LINGO2: variants seen among roughly 807,000 people sequenced by gnomAD.
The protein encoded by LINGO2 is leucine rich repeat and Ig domain containing 2.
A neutral mutation model predicts 30.6 loss-of-function variants in LINGO2; 14 were observed. That is an observed-to-expected ratio of 0.46 (90% CI 0.30 to 0.72). The LOEUF (loss-of-function observed/expected upper bound fraction) is 0.72, where lower values mean the gene tolerates loss of function less well. Ranked by LOEUF, LINGO2 falls within the 30% of genes least tolerant of loss-of-function variation. The pLI is 0.07. For synonymous variants in LINGO2, 317 were observed against 288.5 expected (o/e 1.10, Z -1.00); for missense variants, 729 against 751.7 (o/e 0.97, Z 0.35).
In LINGO2 at chr9:28,051,911, A is replaced by G. The variant is rs566092072; in HGVS notation, c.-86-39506T>C. Among the ~76,000 whole-genome samples, 22 of 152,198 alleles carry G rather than the reference A, an allele frequency of 1.4e-4. No individual in the cohort carries two copies. In the South Asian group the frequency reaches 4.4e-3, roughly 30 times the overall value. ...CAGCACAGTAGTGTTAGAGTTTCTT[A>G]TACCTAACAATAAAAAACACAGAAT... On this transcript the variant is annotated intron_variant, in intron 4 of 5. Transcript: ENST00000379992.
intron 1 of LINGO2, among the ~76,000 whole-genome samples, chr9:28,533,375 G>C (rs1337429692): frequency 2.6e-5 from 4 of 152,018 alleles, no homozygotes; most frequent in African/African-American, 9.7e-5. Context: ...GCTTGCAGAT[G>C]GCCTATTGTG....
At chr9:27,957,740 G>T (rs1224355721) in intron 5 of LINGO2, among the ~76,000 whole-genome samples, 1 of 152,130 alleles carries the variant, frequency 6.6e-6, no homozygotes, top group Non-Finnish European at 1.5e-5. Flanking sequence ...GATTTCTAAA[G>T]AAATTTTCTG....
the LINGO2 span, among the ~76,000 whole-genome samples, chr9:28,960,831 G>GA: frequency 1.3e-5 from 2 of 150,316 alleles, no homozygotes; most frequent in African/African-American, 4.9e-5. Context: ...AGAAAATGTT[G>GA]AAAAAAATCA....
At chr9:28,989,653 C>T in the LINGO2 span, among the ~76,000 whole-genome samples, 8 of 152,184 alleles carry the variant, frequency 5.3e-5, no homozygotes, top group East Asian at 1.5e-3. Context: ...TGTTTAGACT[C>T]TAGAACTCTG....
At chr9:29,013,445 A>G in the LINGO2 span, among the ~76,000 whole-genome samples, 2 of 151,862 alleles carry the variant, frequency 1.3e-5, no homozygotes, top group African/African-American at 4.8e-5. Flanking sequence ...CTATAAAATG[A>G]TCTAGATTAG....
chr9:28,639,920 G>A (rs1479189117), intron 1 of LINGO2, among the ~76,000 whole-genome samples: 2 of 152,082 alleles, frequency 1.3e-5, no homozygotes, highest in Admixed American at 6.5e-5. Flanking sequence ...TAGCCTTGAT[G>A]GTCTTTACAA....
chr9:28,396,738 G>T (rs1822065533), intron 2 of LINGO2, among the ~76,000 whole-genome samples: 1 of 128,448 alleles, frequency 7.8e-6, no homozygotes, highest in African/African-American at 2.9e-5. Flanking sequence ...CCAAATCAAA[G>T]GGTCATCCAT....
chr9:28,461,588 T>A (rs1050436612), intron 2 of LINGO2, among the ~76,000 whole-genome samples: 2 of 152,172 alleles, frequency 1.3e-5, no homozygotes, highest in African/African-American at 4.8e-5. Context: ...TGAGAATTGA[T>A]GTCCTGAAAG....
At chr9:28,437,551 A>G (rs1329044523) in intron 2 of LINGO2, among the ~76,000 whole-genome samples, 11 of 11,776 alleles carry the variant, frequency 9.3e-4, no homozygotes, top group East Asian at 0.026. Flanking sequence ...ACACAGACGC[A>G]CACACACACA....
intron 2 of LINGO2, among the ~76,000 whole-genome samples, chr9:28,409,663 A>T (rs1211606124): frequency 6.7e-6 from 1 of 149,302 alleles, no homozygotes; most frequent in Non-Finnish European, 1.5e-5. Context: ...GATGTTTCGA[A>T]GTCATTGTAA....
At chr9:28,022,913 TTA>T (rs1241037376) in intron 4 of LINGO2, among the ~76,000 whole-genome samples, 1 of 151,666 alleles carries the variant, frequency 6.6e-6, no homozygotes, top group Non-Finnish European at 1.5e-5. Context: ...CTATTGTGAC[TTA>T]TCTTAAAAGC....
chr9:29,069,130 C>A, the LINGO2 span, among the ~76,000 whole-genome samples: 1 of 151,776 alleles, frequency 6.6e-6, no homozygotes, highest in Non-Finnish European at 1.5e-5. Context: ...GGAAGCTGTC[C>A]TGTTAAGTGA....
At chr9:28,479,911 G>GTATATATATATATA (rs58972403) in intron 1 of LINGO2, among the ~76,000 whole-genome samples, 37 of 49,752 alleles carry the variant, frequency 7.4e-4, no homozygotes, top group Non-Finnish European at 9.8e-4. Context: ...ATATACGTAG[G>GTATATATATATATA]TATATATATA....
chr9:28,199,321 A>ATCT (rs547009763), intron 4 of LINGO2, among the ~76,000 whole-genome samples: 2,745 of 138,822 alleles, frequency 0.02, 169 homozygotes, highest in African/African-American at 0.065. Context: ...ACTACGGGCT[A>ATCT]TCTTCTTCTT....
chr9:28,517,331 C>A (rs1331794336), intron 1 of LINGO2, among the ~76,000 whole-genome samples: 1 of 152,154 alleles, frequency 6.6e-6, no homozygotes, highest in Non-Finnish European at 1.5e-5. Context: ...TTCCTCTTTT[C>A]TCTTTGTAAT....
chr9:27,975,116 T>C (rs1279733196), intron 5 of LINGO2, among the ~76,000 whole-genome samples: 1 of 152,196 alleles, frequency 6.6e-6, no homozygotes, highest in African/African-American at 2.4e-5. Flanking sequence ...TTAAGGACTG[T>C]GTAGAAATAA....
At chr9:28,036,689 A>C (rs1232801012) in intron 4 of LINGO2, among the ~76,000 whole-genome samples, 1 of 152,234 alleles carries the variant, frequency 6.6e-6, no homozygotes, top group African/African-American at 2.4e-5. Context: ...TCCATGATTC[A>C]ATGGAGGACA....
rs143117895 is a variant in LINGO2 at position 28,436,421 on chromosome 9, AATTTATTTATTTATTTATTTATTT to A, written c.-279+39495_-279+39518del. On this transcript the variant is annotated intron_variant, in intron 2 of 5. Transcript: ENST00000379992. ...TTTGAGAGAGAAGAATAAGGAAGAG[AATTTATTTATTTATTTATTTATTT>A]ATTTATTTATTTATTTATTTATTTA... 2.8e-4 allele frequency among the ~76,000 whole-genome samples: 39 copies of A among 138,980 alleles called. No individual in the cohort carries two copies. The East Asian group carries it at 4.7e-3, about 17-fold the overall frequency. 91.2% of individuals were successfully genotyped at this position (138,980 alleles called of 152,430 possible). A position where few individuals can be genotyped will look rare whatever the true frequency, so the allele number is the denominator to read the frequency against.
the LINGO2 span, among the ~76,000 whole-genome samples, chr9:28,722,098 C>T: frequency 6.6e-6 from 1 of 151,966 alleles, no homozygotes; most frequent in Non-Finnish European, 1.5e-5. Flanking sequence ...CCAATAAATA[C>T]AAGATACATT....
Sources: allele counts gnomAD v4.1 joint callset (sites outside exome capture counted in the v4.1 genomes callset), GRCh38; gene constraint gnomAD v4.1.1; transcripts MANE v1.5; gene names NCBI Gene and HGNC (gene_info 2026-07-23, HGNC 2026-07-21).